The following LOC400499 variants were observed in gnomAD, a reference collection of about 807,000 sequenced individuals.
chr16:11,446,888 G>C, the LOC400499 span: 1 of 1,535,576 alleles, frequency 6.5e-7, no homozygotes, highest in Non-Finnish European at 8.7e-7. Flanking sequence ...AGGCTCTGCG[G>C]GATGGGCAGG....
the LOC400499 span, among the ~76,000 whole-genome samples, chr16:11,449,261 G>T: frequency 1.3e-5 from 2 of 152,142 alleles, no homozygotes; most frequent in African/African-American, 4.8e-5. Flanking sequence ...GACTGGTGCA[G>T]GTAGGCTAGT....
At chr16:11,491,883 A>C in the LOC400499 span, 4 of 398,520 alleles carry the variant, frequency 1.0e-5, no homozygotes, top group Non-Finnish European at 1.8e-5. Flanking sequence ...CCCAAGGCCT[A>C]CCTACCTCCA....
chr16:11,414,079 G>T, the LOC400499 span, among the ~76,000 whole-genome samples: 52 of 152,188 alleles, frequency 3.4e-4, no homozygotes, highest in African/African-American at 1.1e-3. Context: ...ACCCAAGATT[G>T]CAGGGCAGAA....
the LOC400499 span, among the ~76,000 whole-genome samples, chr16:11,416,350 A>G: frequency 2.0e-5 from 3 of 152,074 alleles, no homozygotes; most frequent in African/African-American, 7.2e-5. Flanking sequence ...CATAATCTAT[A>G]TGGGGGTCAG....
chr16:11,438,675 G>C, the LOC400499 span, among the ~76,000 whole-genome samples: 1 of 149,780 alleles, frequency 6.7e-6, no homozygotes, highest in East Asian at 2.0e-4. Flanking sequence ...TGTGGTACCA[G>C]CTACTCAGGA....
At chr16:11,459,523 A>G in the LOC400499 span, among the ~76,000 whole-genome samples, 1 of 152,100 alleles carries the variant, frequency 6.6e-6, no homozygotes, top group Non-Finnish European at 1.5e-5. Flanking sequence ...ATAAACATAC[A>G]AGGTTAAATG....
the LOC400499 span, chr16:11,391,705 G>A: frequency 8.1e-7 from 1 of 1,232,212 alleles, no homozygotes; most frequent in African/African-American, 1.5e-5. Context: ...CCCACCTGCA[G>A]CCACTCCAGG....
At chr16:11,497,468 G>A in the LOC400499 span, among the ~76,000 whole-genome samples, 1 of 152,256 alleles carries the variant, frequency 6.6e-6, no homozygotes, top group East Asian at 1.9e-4. Context: ...GCCGCCTGCT[G>A]GAGGTTCCCG....
At chr16:11,437,027 AC>A in the LOC400499 span, among the ~76,000 whole-genome samples, 1 of 152,214 alleles carries the variant, frequency 6.6e-6, no homozygotes, top group Admixed American at 6.5e-5. Context: ...CATGGAGGAA[AC>A]TTAAATGTAT....
At chr16:11,483,785 G>T in the LOC400499 span, among the ~76,000 whole-genome samples, 1 of 151,714 alleles carries the variant, frequency 6.6e-6, no homozygotes, top group African/African-American at 2.4e-5. Context: ...TGAGGTGGAA[G>T]GATTGTTTGA....
chr16:11,390,431 C>T, the LOC400499 span: 1 of 1,252,406 alleles, frequency 8.0e-7, no homozygotes, highest in Non-Finnish European at 1.0e-6. Flanking sequence ...AGTGTCACCT[C>T]CAGGTAGGCA....
At chr16:11,525,295 A>C in the LOC400499 span, among the ~76,000 whole-genome samples, 30 of 106,706 alleles carry the variant, frequency 2.8e-4, no homozygotes, top group Admixed American at 1.3e-3. Flanking sequence ...CTTGTCCCAA[A>C]AAAAAAAAAA....
chr16:11,421,130 A>G, the LOC400499 span, among the ~76,000 whole-genome samples: 1 of 152,138 alleles, frequency 6.6e-6, no homozygotes, highest in Non-Finnish European at 1.5e-5. Context: ...CCAGGCACTC[A>G]GGCTCAGGGC....
At chr16:11,463,382 ATG>A in the LOC400499 span, among the ~76,000 whole-genome samples, 1 of 149,344 alleles carries the variant, frequency 6.7e-6, no homozygotes. Context: ...GTGTGTGCGG[ATG>A]TGTGTGTATG....
chr16:11,408,527 T>C, the LOC400499 span, among the ~76,000 whole-genome samples: 1 of 149,102 alleles, frequency 6.7e-6, no homozygotes, highest in East Asian at 2.0e-4. Flanking sequence ...TGCAGTGGTG[T>C]GAACACAGCT....
the LOC400499 span, among the ~76,000 whole-genome samples, chr16:11,457,944 G>A: frequency 3.9e-5 from 6 of 152,262 alleles, no homozygotes; most frequent in African/African-American, 1.4e-4. Flanking sequence ...GCTCACACCT[G>A]TAATCCCAGC....
chr16:11,429,712 G>C, the LOC400499 span, among the ~76,000 whole-genome samples: 1 of 151,898 alleles, frequency 6.6e-6, no homozygotes, highest in Non-Finnish European at 1.5e-5. Context: ...GGCTACAAGT[G>C]ATCTGCCCGC....
the LOC400499 span, among the ~76,000 whole-genome samples, chr16:11,420,068 A>G: frequency 2.0e-5 from 3 of 149,544 alleles, no homozygotes; most frequent in African/African-American, 5.0e-5. Flanking sequence ...TAGAAATACC[A>G]TTTGACCCAG....
chr16:11,456,828 T>G, the LOC400499 span: 22 of 1,535,694 alleles, frequency 1.4e-5, no homozygotes, highest in Non-Finnish European at 1.8e-5. Flanking sequence ...CCTGAGCTGC[T>G]AGCCAAGGAG....
Sources: allele counts gnomAD v4.1 joint callset (sites outside exome capture counted in the v4.1 genomes callset), GRCh38; gene constraint gnomAD v4.1.1; transcripts MANE v1.5.